Variants in RIMS2 observed in about 807,000 individuals in gnomAD.
RIMS2 encodes regulating synaptic membrane exocytosis 2.
A neutral mutation model predicts 174.4 loss-of-function variants in RIMS2; 59 were observed. That is an observed-to-expected ratio of 0.34 (90% CI 0.27 to 0.42). The LOEUF (loss-of-function observed/expected upper bound fraction) is 0.42. Ranked by LOEUF, RIMS2 falls within the 10% of genes least tolerant of loss-of-function variation. The pLI, the probability that RIMS2 is intolerant of heterozygous loss-of-function variation, is 1.00. For synonymous variants in RIMS2, 606 were observed against 572.5 expected (o/e 1.06, Z -0.84); for missense variants, 1,620 against 1,666.3 (o/e 0.97, Z 0.48).
intron 1 of RIMS2, among the ~76,000 whole-genome samples, chr8:103,647,946 G>T (rs779448785): frequency 8.5e-5 from 12 of 141,556 alleles, no homozygotes; most frequent in Non-Finnish European, 1.4e-4. Flanking sequence ...TTTTGATCTT[G>T]GTTACTTCTT....
chr8:103,664,034 A>T (rs2096636844), intron 1 of RIMS2, among the ~76,000 whole-genome samples: 1 of 152,248 alleles, frequency 6.6e-6, no homozygotes, highest in Admixed American at 6.5e-5. Context: ...TGGGGAAAGG[A>T]TTCCCTATTT....
intron 10 of RIMS2, among the ~76,000 whole-genome samples, chr8:103,924,843 C>T (rs1379155426): frequency 3.3e-5 from 5 of 151,354 alleles, no homozygotes; most frequent in Non-Finnish European, 7.4e-5. Context: ...TATTTTTTCT[C>T]CATGCTTGAA....
At chr8:104,227,211 CTTT>C (rs55927938) in intron 19 of RIMS2, among the ~76,000 whole-genome samples, 2 of 126,730 alleles carry the variant, frequency 1.6e-5, no homozygotes, top group Non-Finnish European at 3.4e-5. Context: ...ACTTGGAGCT[CTTT>C]TTTTTTTTTT....
chr8:104,094,628 A>G, intron 19 of RIMS2: 2 of 702,166 alleles, frequency 2.8e-6, no homozygotes, highest in Non-Finnish European at 5.2e-6. Flanking sequence ...ACAGAGAATC[A>G]GGAGACGAGG....
At position 103,542,956 on chromosome 8, in the gene RIMS2, G is replaced by A. The variant is rs78670429; in HGVS notation, c.176+41894G>A. On this transcript the variant is annotated intron_variant, in intron 1 of 23. Coordinates refer to ENST00000504942, the Ensembl canonical transcript of RIMS2. ...AGTTGAAAACTTTCCTGTAAGATCAGGAATAAGACAAGGATGCCTGCTCCT... is the reference window on the plus strand; with the variant it reads ...AGTTGAAAACTTTCCTGTAAGATCAAGAATAAGACAAGGATGCCTGCTCCT... Among the ~76,000 whole-genome samples the A allele has an allele frequency of 7.1e-3, 1,078 of 152,198 alleles. 21 individuals are homozygous for A. The highest frequency in any genetic ancestry group is 0.024 in the African/African-American group (1,017 of 41,544).
intron 3 of RIMS2, among the ~76,000 whole-genome samples, chr8:103,806,123 T>C (rs1207738866): frequency 6.6e-6 from 1 of 152,164 alleles, no homozygotes; most frequent in African/African-American, 2.4e-5. Flanking sequence ...CTTCGTTTAA[T>C]AAGAATTAGA....
At chr8:103,717,886 C>T (rs2097393814) in intron 2 of RIMS2, among the ~76,000 whole-genome samples, 1 of 152,152 alleles carries the variant, frequency 6.6e-6, no homozygotes. Context: ...AGCTATTGAA[C>T]ACTTGAAAAG....
intron 1 of RIMS2, among the ~76,000 whole-genome samples, chr8:103,629,250 G>T (rs1347751664): frequency 6.6e-6 from 1 of 152,202 alleles, no homozygotes; most frequent in Non-Finnish European, 1.5e-5. Flanking sequence ...GCTGAAGGAG[G>T]ATTACTGAGA....
intron 19 of RIMS2, among the ~76,000 whole-genome samples, chr8:104,097,027 T>C (rs2130703925): frequency 6.6e-6 from 1 of 152,334 alleles, no homozygotes; most frequent in South Asian, 2.1e-4. Flanking sequence ...ATCATTTTGT[T>C]TTGGTAGTTG....
intron 3 of RIMS2, among the ~76,000 whole-genome samples, chr8:103,786,341 T>C (rs1263211668): frequency 6.6e-6 from 1 of 152,134 alleles, no homozygotes; most frequent in Non-Finnish European, 1.5e-5. Context: ...CTTGCTTTTC[T>C]AGTTCTTTTA....
At chr8:103,680,728 C>G (rs2096869941) in intron 1 of RIMS2, among the ~76,000 whole-genome samples, 1 of 151,858 alleles carries the variant, frequency 6.6e-6, no homozygotes, top group African/African-American at 2.4e-5. Flanking sequence ...GAAGGGCAGT[C>G]AAATTGACTG....
At chr8:103,815,459 T>TTA (rs2098712917) in intron 3 of RIMS2, among the ~76,000 whole-genome samples, 1 of 152,196 alleles carries the variant, frequency 6.6e-6, no homozygotes, top group Non-Finnish European at 1.5e-5. Flanking sequence ...GAACTCTTAT[T>TTA]ATCACTGTCA....
intron 19 of RIMS2, among the ~76,000 whole-genome samples, chr8:104,138,482 G>A (rs1229185047): frequency 1.3e-5 from 2 of 152,096 alleles, no homozygotes; most frequent in African/African-American, 4.8e-5. Flanking sequence ...AGGGTGAAAT[G>A]ATATTTCATT....
chr8:104,244,802 G>A, intron 19 of RIMS2, 114 bp from the exon 26 acceptor site: 2 of 773,402 alleles, frequency 2.6e-6, no homozygotes, highest in Non-Finnish European at 2.1e-6. Flanking sequence ...TCCTTAACAA[G>A]AGCACTTTTT....
chr8:104,244,996 A>T (rs369122734), exon 20 of RIMS2: 2 of 1,613,922 alleles, frequency 1.2e-6, no homozygotes, highest in African/African-American at 2.7e-5. Context: ...GAACTGGATG[A>T]CTCGACAGGC....
chr8:103,965,666 C>G (rs1339933197), intron 15 of RIMS2, among the ~76,000 whole-genome samples: 1 of 152,034 alleles, frequency 6.6e-6, no homozygotes, highest in African/African-American at 2.4e-5. Flanking sequence ...CTAAGTACTT[C>G]CAGTACAGTG....
intron 1 of RIMS2, among the ~76,000 whole-genome samples, chr8:103,668,022 T>C (rs1037170553): frequency 2.0e-5 from 3 of 152,218 alleles, no homozygotes; most frequent in Non-Finnish European, 2.9e-5. Context: ...TGACAAACTT[T>C]CTTTAACCTG....
chr8:103,897,964 C>T lies in RIMS2; in HGVS notation c.1624+11741C>T, dbSNP rs1335622419. ...TGGCAATTGAGTCCAATCAATATTG[C>T]ATAGTGTGGAATATGCTGCCTTCAG... On this transcript the variant is annotated intron_variant, in intron 4 of 23. Coordinates refer to ENST00000504942, the Ensembl canonical transcript of RIMS2. 2.6e-5 allele frequency among the ~76,000 whole-genome samples: 4 copies of T among 151,612 alleles called. No individual in the cohort carries two copies. In the South Asian group the frequency reaches 8.3e-4, roughly 31 times the overall value.
chr8:104,213,772 G>A (rs1047213901), intron 19 of RIMS2, among the ~76,000 whole-genome samples: 3 of 143,842 alleles, frequency 2.1e-5, no homozygotes, highest in African/African-American at 7.9e-5. Flanking sequence ...TGCTACTCAG[G>A]AGGCTGAGGC....
Sources: allele counts gnomAD v4.1 joint callset (sites outside exome capture counted in the v4.1 genomes callset), GRCh38; gene constraint gnomAD v4.1.1; transcripts MANE v1.5; gene names NCBI Gene and HGNC (gene_info 2026-07-23, HGNC 2026-07-21).